PRKAR2B: variants seen among roughly 807,000 people sequenced by gnomAD.
The protein encoded by PRKAR2B is protein kinase cAMP-dependent type II regulatory subunit beta, also known as cAMP-dependent protein kinase type II-beta regulatory subunit.
A neutral mutation model predicts 49.9 loss-of-function variants in PRKAR2B; 14 were observed. That is an observed-to-expected ratio of 0.28 (90% confidence interval 0.19 to 0.44). PRKAR2B has a LOEUF of 0.44. Among genes scored for constraint, PRKAR2B ranks in the 20% least tolerant of loss-of-function variants. PRKAR2B has a pLI of 1.00. For synonymous variants in PRKAR2B, 196 were observed against 197.7 expected (o/e 0.99, Z 0.07); for missense variants, 393 against 537.9 (o/e 0.73, Z 2.67).
intron 1 of PRKAR2B, among the ~76,000 whole-genome samples, chr7:107,063,682 T>C (rs1255672728): frequency 2.0e-5 from 3 of 152,140 alleles, no homozygotes; most frequent in African/African-American, 7.2e-5. Context: ...AATATGGGTA[T>C]TTTCTATAAC....
intron 2 of PRKAR2B, among the ~76,000 whole-genome samples, chr7:107,100,823 C>CT (rs1390181928): frequency 0.013 from 1,801 of 139,170 alleles, 18 homozygotes; most frequent in African/African-American, 0.034. Context: ...CCAGAACTTG[C>CT]TTTTTTTTTT....
chr7:107,150,624 C>T (rs1429620013), intron 6 of PRKAR2B, among the ~76,000 whole-genome samples: 2 of 150,918 alleles, frequency 1.3e-5, no homozygotes, highest in East Asian at 1.9e-4. Context: ...GCTGTGACAG[C>T]GCCTCCTTGT....
chr7:107,146,389 A>G lies in PRKAR2B; in HGVS notation c.669A>G (p.Glu223=), dbSNP rs1011609639. Reference sequence around the variant, plus strand: ...ATGATAATCGTGGGAGTTTCGGCGAACTGGCCTTAATGTACAATACACCCA... The same window carrying G: ...ATGATAATCGTGGGAGTTTCGGCGAGCTGGCCTTAATGTACAATACACCCA... ...GNYDNRGSFG[E]LALMYNTPRA... is the part of the protein sequence containing the mutation. Residue 223 remains glutamate, a synonymous_variant, in exon 6 of 11, where the codon GAA becomes GAG. Coordinates refer to ENST00000265717, the MANE Select transcript of PRKAR2B (RefSeq NM_002736.3). The G allele has an allele frequency of 3.7e-6, 6 of 1,614,216 alleles. No individual in the cohort carries two copies. In the South Asian group the frequency reaches 4.4e-5, roughly 12 times the overall value.
chr7:107,094,217 G>GA (rs1173253185), intron 2 of PRKAR2B, among the ~76,000 whole-genome samples: 1 of 152,182 alleles, frequency 6.6e-6, no homozygotes, highest in Non-Finnish European at 1.5e-5. Context: ...ACTGGTGTGA[G>GA]ATGGTATCTC....
chr7:107,103,803 T>C (rs1031698147), intron 2 of PRKAR2B, among the ~76,000 whole-genome samples: 6 of 152,354 alleles, frequency 3.9e-5, no homozygotes, highest in Non-Finnish European at 5.9e-5. Context: ...CTAGGATTCT[T>C]CCTGAATCTT....
chr7:107,055,628 T>A (rs1793897318), intron 1 of PRKAR2B, among the ~76,000 whole-genome samples: 1 of 152,264 alleles, frequency 6.6e-6, no homozygotes, highest in African/African-American at 2.4e-5. Context: ...GAAGTGTCTG[T>A]TTATATCCTT....
chr7:107,146,299 G>C lies in PRKAR2B; in HGVS notation c.588-9G>C, dbSNP rs1795891149. The C allele has an allele frequency of 1.9e-6, 3 of 1,612,434 alleles. No individual in the cohort carries two copies. The highest frequency in any genetic ancestry group is 2.5e-6 in the Non-Finnish European group (3 of 1,178,934). On this transcript the variant is annotated splice_polypyrimidine_tract_variant and intron_variant, in intron 5 of 10. Transcript: ENST00000265717. ...TTGAATTAACCTCCAATCTACATAT[G>C]TCCAACAGAGGCACATTTGATATTT...
chr7:107,128,695 C>T, intron 4 of PRKAR2B: 1 of 160,520 alleles, frequency 6.2e-6, no homozygotes, highest in Non-Finnish European at 1.4e-5. Flanking sequence ...CTCTTTACAG[C>T]CAGTGGTAGT....
intron 2 of PRKAR2B, among the ~76,000 whole-genome samples, chr7:107,089,631 T>A (rs894246483): frequency 1.3e-5 from 2 of 152,144 alleles, no homozygotes; most frequent in Non-Finnish European, 2.9e-5. Flanking sequence ...CTAAAAACAA[T>A]AAAGCTATTT....
intron 2 of PRKAR2B, among the ~76,000 whole-genome samples, chr7:107,087,764 A>G (rs915264663): frequency 6.6e-5 from 10 of 151,930 alleles, no homozygotes; most frequent in Non-Finnish European, 4.4e-5. Flanking sequence ...CTTACTTTCT[A>G]TTTCTATTGC....
At position 107,104,147 on chromosome 7, in the gene PRKAR2B, T is replaced by A. The variant is rs187149782; in HGVS notation, c.344-17805T>A. On this transcript the variant is annotated intron_variant, in intron 2 of 10. Coordinates refer to ENST00000265717, the MANE Select transcript of PRKAR2B (RefSeq NM_002736.3). ...CCTGGGCTCAAGCAGTTCTCCTGCC[T>A]CAGCCTCCCAAGTAGCTAGGACTAC... 4.6e-5 allele frequency among the ~76,000 whole-genome samples: 7 copies of A among 152,226 alleles called. No individual in the cohort carries two copies. The East Asian group carries it at 5.8e-4, about 13-fold the overall frequency.
intron 5 of PRKAR2B, among the ~76,000 whole-genome samples, chr7:107,145,359 C>G (rs1017220038): frequency 8.5e-5 from 13 of 152,086 alleles, no homozygotes; most frequent in Admixed American, 2.6e-4. Context: ...TATAAAGGAC[C>G]CTAGTAAGTT....
intron 2 of PRKAR2B, among the ~76,000 whole-genome samples, chr7:107,070,885 G>A (rs940268732): frequency 6.6e-6 from 1 of 152,112 alleles, no homozygotes; most frequent in African/African-American, 2.4e-5. Flanking sequence ...GGCTATTGCT[G>A]GTTTAAATAT....
chr7:107,145,610 G>C (rs776528858), intron 5 of PRKAR2B, among the ~76,000 whole-genome samples: 2 of 151,900 alleles, frequency 1.3e-5, no homozygotes, highest in Admixed American at 1.3e-4. Flanking sequence ...ATAGAGATGG[G>C]ATCTTGCTAT....
intron 1 of PRKAR2B, among the ~76,000 whole-genome samples, chr7:107,066,085 CAG>C (rs1462661841): frequency 6.6e-6 from 1 of 152,138 alleles, no homozygotes; most frequent in African/African-American, 2.4e-5. Flanking sequence ...ACATAGGACT[CAG>C]TGTTCCACTG....
Position 107,145,969 on chromosome 7 carries a change from A to C in PRKAR2B, c.588-339A>C, listed in dbSNP as rs556979838. On this transcript the variant is annotated intron_variant, in intron 5 of 10. Coordinates refer to ENST00000265717, the MANE Select transcript of PRKAR2B (RefSeq NM_002736.3). ...TTGGCCAGGCTGGTCTCAAACTCCT[A>C]ACCTCAGGTGATCCACCCGCCTCAG... Among the ~76,000 whole-genome samples, 5 of 151,968 alleles carry C rather than the reference A, an allele frequency of 3.3e-5. No individual in the cohort carries two copies. In the East Asian group the frequency reaches 9.7e-4, roughly 29 times the overall value.
intron 4 of PRKAR2B, among the ~76,000 whole-genome samples, chr7:107,133,337 GT>G (rs763659497): frequency 3.9e-5 from 6 of 152,158 alleles, no homozygotes; most frequent in Non-Finnish European, 8.8e-5. Context: ...TCACAAAATA[GT>G]TACTATAGCA....
intron 6 of PRKAR2B, among the ~76,000 whole-genome samples, chr7:107,150,233 A>G (rs1795959142): frequency 6.6e-6 from 1 of 152,114 alleles, no homozygotes; most frequent in Admixed American, 6.5e-5. Flanking sequence ...TAGTTCTTCA[A>G]CCGAGTTCTG....
chr7:107,086,635 A>G (rs904894365), intron 2 of PRKAR2B, among the ~76,000 whole-genome samples: 3 of 151,784 alleles, frequency 2.0e-5, no homozygotes, highest in Admixed American at 6.6e-5. Flanking sequence ...TCATTTTTGC[A>G]TTTTTTTGTA....
Sources: allele counts gnomAD v4.1 joint callset (sites outside exome capture counted in the v4.1 genomes callset), GRCh38; gene constraint gnomAD v4.1.1; transcripts MANE v1.5; gene names NCBI Gene and HGNC (gene_info 2026-07-23, HGNC 2026-07-21).